DNAH11: variants seen among roughly 807,000 people sequenced by gnomAD.
DNAH11 encodes axonemal beta dynein heavy chain 11.
In DNAH11, 442 loss-of-function variants were observed where a neutral mutation model predicts 526.0. The observed-to-expected ratio is 0.84, with a 90% CI of 0.78 to 0.91. The LOEUF (loss-of-function observed/expected upper bound fraction) is 0.91, where lower values mean the gene tolerates loss of function less well. Among genes scored for constraint, DNAH11 ranks in the 40% least tolerant of loss-of-function variants. The pLI is 0.00. For synonymous variants in DNAH11, 2,461 were observed against 1,935.9 expected (o/e 1.27, Z -7.12); for missense variants, 6,989 against 5,448.7 (o/e 1.28, Z -8.90).
At chr7:21,873,185 C>T (rs1433733297) in intron 73 of DNAH11, 89 bp from the exon 74 acceptor site, 3 of 1,143,706 alleles carry the variant, frequency 2.6e-6, no homozygotes, top group African/African-American at 3.2e-5. Context: ...TCTGAGTTTT[C>T]AGTGCAATTA....
chr7:21,692,987 T>A (rs1783693463), intron 35 of DNAH11, among the ~76,000 whole-genome samples: 1 of 152,250 alleles, frequency 6.6e-6, no homozygotes, highest in Non-Finnish European at 1.5e-5. Flanking sequence ...AAAAGCCGTA[T>A]TCTGCATACA....
Position 21,898,659 on chromosome 7 carries a change from G to C in DNAH11, c.13050-677G>C, listed in dbSNP as rs529542861. The stretch of plus-strand genomic sequence containing the variant: ...TATCGAAGAGGTTCATCTGTCCCTA[G>C]CCTCTGTGAGCCAGCTTCCTTATAG... On this transcript the variant is annotated intron_variant, in intron 79 of 81. Transcript: ENST00000409508. 2.6e-5 allele frequency among the ~76,000 whole-genome samples: 4 copies of C among 152,204 alleles called. No individual in the cohort carries two copies. In the East Asian group the frequency reaches 7.7e-4, roughly 29 times the overall value.
intron 6 of DNAH11, among the ~76,000 whole-genome samples, chr7:21,566,419 A>G (rs1238935994): frequency 2.0e-5 from 3 of 152,188 alleles, no homozygotes; most frequent in Non-Finnish European, 4.4e-5. Flanking sequence ...CAATGTCCAT[A>G]GCTGGTTCCC....
chr7:21,677,203 CTT>C lies in DNAH11; in HGVS notation c.5329-4325_5329-4324del, dbSNP rs34054122. On this transcript the variant is annotated intron_variant, in intron 30 of 81. Transcript: ENST00000409508. ...CTTTACTGTGCTTTGCAGATACTGC[CTT>C]TTTTTTTTTTTTTTTTTAAACAAAT... Among the ~76,000 whole-genome samples, 353 of 124,084 alleles carry C rather than the reference CTT, an allele frequency of 2.8e-3. 2 individuals carry two copies. The highest frequency in any genetic ancestry group is 9.4e-3 in the African/African-American group (320 of 34,020). The allele number at this position is 124,084 out of a possible 152,430, so 81.4% of individuals were successfully genotyped here.
intron 62 of DNAH11, among the ~76,000 whole-genome samples, chr7:21,806,193 C>T (rs561117539): frequency 4.2e-4 from 64 of 152,266 alleles, no homozygotes; most frequent in African/African-American, 1.3e-3. Flanking sequence ...AAATTATTGA[C>T]GATTTCGATA....
At chr7:21,848,310 T>C (rs1381711946) in intron 66 of DNAH11, among the ~76,000 whole-genome samples, 1 of 151,314 alleles carries the variant, frequency 6.6e-6, no homozygotes, top group Non-Finnish European at 1.5e-5. Context: ...TTTCGATTAG[T>C]GTTAGCATGG....
intron 25 of DNAH11, among the ~76,000 whole-genome samples, chr7:21,629,357 C>G (rs1181609703): frequency 6.6e-6 from 1 of 152,192 alleles, no homozygotes; most frequent in East Asian, 1.9e-4. Context: ...CATGTGCTGA[C>G]AAAAAGGATT....
At chr7:21,696,384 A>G (rs901787023) in intron 35 of DNAH11, among the ~76,000 whole-genome samples, 3 of 152,198 alleles carry the variant, frequency 2.0e-5, no homozygotes, top group Non-Finnish European at 4.4e-5. Flanking sequence ...TAGTTAATCA[A>G]TTGTGCTAAC....
intron 8 of DNAH11, among the ~76,000 whole-genome samples, chr7:21,577,567 C>G (rs1182605388): frequency 6.6e-6 from 1 of 152,174 alleles, no homozygotes; most frequent in Non-Finnish European, 1.5e-5. Flanking sequence ...ACAAGGCCAC[C>G]TGCACTTGTG....
At chr7:21,753,432 G>A (rs1435090478) in intron 54 of DNAH11, among the ~76,000 whole-genome samples, 1 of 152,200 alleles carries the variant, frequency 6.6e-6, no homozygotes, top group Non-Finnish European at 1.5e-5. Context: ...TTAAAAAGGA[G>A]CAGTATCAGT....
Position 21,545,186 on chromosome 7 carries a change from A to G in DNAH11, c.495+37A>G, listed in dbSNP as rs542312558. The G allele has an allele frequency of 1.0e-3, 1,564 of 1,531,752 alleles. 31 individuals carry two copies. The South Asian group carries it at 0.018, about 17-fold the overall frequency. 94.9% of individuals were successfully genotyped at this position (1,531,752 alleles called of 1,614,324 possible). A position where few individuals can be genotyped will look rare whatever the true frequency, so the allele number is the denominator to read the frequency against. On this transcript the variant is annotated intron_variant, in intron 2 of 81. Coordinates refer to ENST00000409508, the MANE Select transcript of DNAH11 (RefSeq NM_001277115.2). ...TCTTTAATATTTAAAGCTTTCACTT[A>G]TCTCCATGACATTTGAAATTATTTA...
intron 63 of DNAH11, among the ~76,000 whole-genome samples, chr7:21,808,354 A>G (rs1361911717): frequency 2.0e-5 from 3 of 152,218 alleles, no homozygotes; most frequent in African/African-American, 4.8e-5. Flanking sequence ...TAAGATATCT[A>G]TCACCTGAAA....
In DNAH11 at chr7:21,901,311, G is replaced by C; in HGVS notation, c.*57G>C. 4 of 1,482,202 alleles carry C rather than the reference G, an allele frequency of 2.7e-6. No individual in the cohort carries two copies. Among genetic ancestry groups the C allele is most frequent in the Non-Finnish European group, 3.6e-6 (4 of 1,108,764 alleles). The allele number at this position is 1,482,202 out of a possible 1,614,324, so 91.8% of individuals were successfully genotyped here. On this transcript the variant is annotated 3_prime_UTR_variant, in exon 82 of 82. Coordinates refer to ENST00000409508, the MANE Select transcript of DNAH11 (RefSeq NM_001277115.2). ...GAGTGCAGTGAGGATTTTCTAGCAT[G>C]TTGCTGCACTGTTCCCATGCACATT...
At chr7:21,604,761 C>G (rs559797815) in intron 18 of DNAH11, among the ~76,000 whole-genome samples, 5 of 152,208 alleles carry the variant, frequency 3.3e-5, no homozygotes, top group Admixed American at 2.0e-4. Context: ...GATAAGGGGA[C>G]CTGAGCTCAT....
Position 21,616,194 on chromosome 7 carries a change from CT to C in DNAH11, c.4012-11del. 2 of 1,610,142 alleles carry C rather than the reference CT, an allele frequency of 1.2e-6. No homozygotes were observed. Among genetic ancestry groups the C allele is most frequent in the African/African-American group, 1.3e-5 (1 of 74,918 alleles). ...CAAATGTTGTTGACACTTTTATCTG[CT>C]TTTGCGTTTTCAGAGAAGCATTGAT... On this transcript the variant is annotated splice_polypyrimidine_tract_variant and intron_variant, in intron 21 of 81. Transcript: ENST00000409508.
chr7:21,843,535 C>T (rs1274469044), intron 66 of DNAH11, among the ~76,000 whole-genome samples: 1 of 146,706 alleles, frequency 6.8e-6, no homozygotes, highest in Non-Finnish European at 1.5e-5. Flanking sequence ...GGCTGGAGTG[C>T]AGTGGCATGG....
intron 34 of DNAH11, among the ~76,000 whole-genome samples, chr7:21,689,616 C>A (rs1003958338): frequency 2.0e-5 from 3 of 152,238 alleles, no homozygotes; most frequent in African/African-American, 7.2e-5. Context: ...TGCGTGTGAG[C>A]GGCCCTGCCA....
chr7:21,809,172 G>C (rs1264181440), intron 63 of DNAH11, among the ~76,000 whole-genome samples: 1 of 152,080 alleles, frequency 6.6e-6, no homozygotes, highest in Non-Finnish European at 1.5e-5. Context: ...TTGGCCATTT[G>C]TACATCTTCT....
intron 45 of DNAH11, among the ~76,000 whole-genome samples, chr7:21,729,752 A>G (rs1397620238): frequency 6.6e-6 from 1 of 152,046 alleles, no homozygotes; most frequent in African/African-American, 2.4e-5. Flanking sequence ...AGCCTCTTTA[A>G]TGTCCATATT....
Sources: allele counts gnomAD v4.1 joint callset (sites outside exome capture counted in the v4.1 genomes callset), GRCh38; gene constraint gnomAD v4.1.1; transcripts MANE v1.5; gene names NCBI Gene and HGNC (gene_info 2026-07-23, HGNC 2026-07-21).